The following TCTN2 variants were observed in gnomAD, a reference collection of about 807,000 sequenced individuals.
The protein encoded by TCTN2 is tectonic family member 2, also known as tectonic-2.
TCTN2 carries 66 observed loss-of-function variants against 83.4 expected under a neutral mutation model. The observed-to-expected ratio is 0.79, with a 90% CI of 0.65 to 0.97. The LOEUF (loss-of-function observed/expected upper bound fraction) is 0.97. Ranked by LOEUF, TCTN2 falls within the 50% of genes least tolerant of loss-of-function variation. The probability of loss-of-function intolerance (pLI) is 0.00; values close to 1 mark genes in which losing one functional copy is unlikely to be tolerated. For missense variants in TCTN2, 794 were observed against 858.1 expected, an observed-to-expected ratio of 0.93 and a Z score of 0.93; for synonymous variants, 301 against 326.7, an observed-to-expected ratio of 0.92 and a Z score of 0.85.
intron 5 of TCTN2, among the ~76,000 whole-genome samples, chr12:123,682,889 A>G (rs951380961): frequency 1.3e-5 from 2 of 151,548 alleles, no homozygotes; most frequent in African/African-American, 4.9e-5. Flanking sequence ...TTCTGGTGTC[A>G]TATTTCAGAA....
At position 123,690,156 on chromosome 12, in the gene TCTN2, T is replaced by C. The variant is rs939886274; in HGVS notation, c.892-377T>C. Among the ~76,000 whole-genome samples the C allele has an allele frequency of 3.9e-5, 6 of 152,276 alleles. No individual in the cohort carries two copies. In the South Asian group the frequency reaches 1.2e-3, roughly 32 times the overall value. On this transcript the variant is annotated intron_variant, in intron 7 of 17. Transcript: ENST00000303372. The stretch of plus-strand genomic sequence containing the variant: ...GAGTGTTATTTGTGGGAAGAAAGCA[T>C]GGGAGGTGAAAATTTCTCTTTCCTA...
chr12:123,673,806 C>T lies in TCTN2; in HGVS notation c.459C>T (p.Ala153=), dbSNP rs769788622. The change falls in exon 4 of 18, where the codon GCC becomes GCT. Residue 153 remains alanine (A), a synonymous_variant. Transcript: ENST00000303372. ...IYANSSLTHN[A]SENVTVIPNQ... Reference sequence around the variant, plus strand: ...CCAACTCTTCTCTGACCCATAATGCCTCAGGCAAGTGAAGTCTTTGACTGT... The same window carrying T: ...CCAACTCTTCTCTGACCCATAATGCTTCAGGCAAGTGAAGTCTTTGACTGT... The T allele has an allele frequency of 6.2e-7, 1 of 1,614,002 alleles. No homozygotes were observed. The highest frequency in any genetic ancestry group is 8.5e-7 in the Non-Finnish European group (1 of 1,179,908).
intron 4 of TCTN2, among the ~76,000 whole-genome samples, chr12:123,675,321 G>A (rs989293366): frequency 6.6e-6 from 1 of 152,118 alleles, no homozygotes; most frequent in Non-Finnish European, 1.5e-5. Context: ...TAGATGTGCC[G>A]ATGTAGAGGG....
At chr12:123,699,110 C>T (rs923201474) in intron 13 of TCTN2, among the ~76,000 whole-genome samples, 1 of 151,758 alleles carries the variant, frequency 6.6e-6, no homozygotes, top group South Asian at 2.1e-4. Flanking sequence ...TGGTGACAGT[C>T]GGCAGAGTTT....
At chr12:123,686,273 C>T (rs538521849) in intron 5 of TCTN2, among the ~76,000 whole-genome samples, 74 of 152,302 alleles carry the variant, frequency 4.9e-4, no homozygotes, top group Admixed American at 1.6e-3. Context: ...TCTCACACTC[C>T]TGACCTCAAG....
At chr12:123,689,518 T>A (rs11609591) in intron 7 of TCTN2, among the ~76,000 whole-genome samples, 63,370 of 151,910 alleles carry the variant, frequency 0.42, 14,167 homozygotes, top group African/African-American at 0.56. Flanking sequence ...TTTCTTTTTA[T>A]ATTTTTATTT....
chr12:123,693,376 C>CTTTTTTTTTTTTTTTT (rs373196834), intron 9 of TCTN2, among the ~76,000 whole-genome samples: 3 of 92,932 alleles, frequency 3.2e-5, no homozygotes, highest in African/African-American at 4.4e-5. Context: ...GCTTTCTTTC[C>CTTTTTTTTTTTTTTTT]TTTTTTTTTT....
chr12:123,703,092 T>C (rs747790322), intron 14 of TCTN2, among the ~76,000 whole-genome samples: 2 of 152,238 alleles, frequency 1.3e-5, no homozygotes, highest in African/African-American at 2.4e-5. Context: ...ATTAATACTA[T>C]GGTAACACAT....
At chr12:123,680,939 T>C (rs1955892226) in intron 5 of TCTN2, among the ~76,000 whole-genome samples, 1 of 152,088 alleles carries the variant, frequency 6.6e-6, no homozygotes, top group Non-Finnish European at 1.5e-5. Flanking sequence ...ATAATATTTA[T>C]TCAGAAACCT....
At position 123,684,341 on chromosome 12, in the gene TCTN2, A is replaced by G. The variant is rs555731079; in HGVS notation, c.565-2495A>G. Among the ~76,000 whole-genome samples the G allele has an allele frequency of 6.0e-5, 9 of 150,684 alleles. No homozygotes were observed. In the South Asian group the frequency reaches 1.3e-3, roughly 21 times the overall value. On this transcript the variant is annotated intron_variant, in intron 5 of 17. Transcript: ENST00000303372. ...TTAGCAAATTTTTAAGTGTCCTATC[A>G]TGGTTGGTTTCACTAAACAGGAAAG...
At chr12:123,671,735 G>A in intron 2 of TCTN2, 121 bp downstream of exon 2, 1 of 838,798 alleles carries the variant, frequency 1.2e-6, no homozygotes, top group Non-Finnish European at 1.9e-6. Context: ...GTCGCATGGG[G>A]AGAAAAGGAT....
intron 8 of TCTN2, among the ~76,000 whole-genome samples, chr12:123,691,031 G>T (rs893954823): frequency 6.6e-6 from 1 of 152,102 alleles, no homozygotes; most frequent in South Asian, 2.1e-4. Flanking sequence ...ACCATGACTG[G>T]CTAATTTTTG....
chr12:123,698,506 C>T (rs7307219), intron 13 of TCTN2, among the ~76,000 whole-genome samples: 10,882 of 152,006 alleles, frequency 0.072, 553 homozygotes, highest in African/African-American at 0.13. Flanking sequence ...GGTGTGATCA[C>T]GGCTCGTTGC....
chr12:123,688,623 T>C (rs1209905796), intron 7 of TCTN2, among the ~76,000 whole-genome samples: 1 of 152,206 alleles, frequency 6.6e-6, no homozygotes, highest in Non-Finnish European at 1.5e-5. Flanking sequence ...TTTCAGGGAC[T>C]TAACTGTTTA....
intron 4 of TCTN2, among the ~76,000 whole-genome samples, chr12:123,675,992 T>C (rs1420291923): frequency 6.6e-6 from 1 of 152,140 alleles, no homozygotes; most frequent in African/African-American, 2.4e-5. Flanking sequence ...TTGAGAAATA[T>C]GCTTGAGGCC....
At chr12:123,685,439 G>A (rs1393620906) in intron 5 of TCTN2, among the ~76,000 whole-genome samples, 1 of 152,086 alleles carries the variant, frequency 6.6e-6, no homozygotes, top group African/African-American at 2.4e-5. Flanking sequence ...CTTTTTTCGA[G>A]ACGGAGTCTT....
chr12:123,698,428 T>C (rs1183436978), intron 13 of TCTN2, among the ~76,000 whole-genome samples: 1 of 152,016 alleles, frequency 6.6e-6, no homozygotes, highest in Admixed American at 6.6e-5. Context: ...TGGTTTTGAT[T>C]GCATGCGTTC....
intron 5 of TCTN2, among the ~76,000 whole-genome samples, chr12:123,684,545 C>T (rs1037396188): frequency 7.9e-5 from 12 of 151,662 alleles, no homozygotes; most frequent in Admixed American, 6.6e-5. Flanking sequence ...GGATTACAGG[C>T]ATGCACAACC....
At chr12:123,679,864 T>C (rs4468435) in intron 5 of TCTN2, among the ~76,000 whole-genome samples, 1 of 149,016 alleles carries the variant, frequency 6.7e-6, no homozygotes, top group Non-Finnish European at 1.5e-5. Flanking sequence ...CTCAGCCTCC[T>C]GAGTAGCTGG....
Sources: allele counts gnomAD v4.1 joint callset (sites outside exome capture counted in the v4.1 genomes callset), GRCh38; gene constraint gnomAD v4.1.1; transcripts MANE v1.5; gene names NCBI Gene and HGNC (gene_info 2026-07-23, HGNC 2026-07-21).